Variants in DCUN1D4 observed in about 807,000 individuals in gnomAD.
DCUN1D4 encodes the protein DCN1-like protein 4.
In DCUN1D4, 22 loss-of-function variants were observed where a neutral mutation model predicts 47.9. That is an observed-to-expected ratio of 0.46 (90% CI 0.33 to 0.66). The LOEUF is 0.66. Ranked by LOEUF, DCUN1D4 falls within the 30% of genes least tolerant of loss-of-function variation. The probability of loss-of-function intolerance (pLI) is 0.02; values close to 1 mark genes in which losing one functional copy is unlikely to be tolerated. For synonymous variants in DCUN1D4, 121 were observed against 112.2 expected, an observed-to-expected ratio of 1.08 and a Z score of -0.50; for missense variants, 301 against 340.8, an observed-to-expected ratio of 0.88 and a Z score of 0.92.
At chr4:51,892,349 C>T (rs898389780) in intron 7 of DCUN1D4, among the ~76,000 whole-genome samples, 1 of 152,092 alleles carries the variant, frequency 6.6e-6, no homozygotes, top group Non-Finnish European at 1.5e-5. Flanking sequence ...GATCCATCTC[C>T]ATTTGTATTA....
intron 7 of DCUN1D4, 102 bp from the exon 8 acceptor site, chr4:51,899,168 G>T: frequency 7.1e-7 from 1 of 1,399,018 alleles, no homozygotes; most frequent in Non-Finnish European, 9.3e-7. Context: ...TCAACTTCAG[G>T]GATTTGTTCT....
upstream of DCUN1D4, among the ~76,000 whole-genome samples, chr4:51,840,519 C>G (rs886770028): frequency 2.0e-5 from 3 of 152,172 alleles, no homozygotes; most frequent in African/African-American, 7.2e-5. Context: ...TCAGATTAAA[C>G]ATTTAACTCC....
the DCUN1D4 span, among the ~76,000 whole-genome samples, chr4:51,834,333 A>G: frequency 6.6e-6 from 1 of 151,020 alleles, no homozygotes; most frequent in Non-Finnish European, 1.5e-5. Flanking sequence ...TGGGGTCTAT[A>G]CTTCGTATGT....
chr4:51,875,733 T>A (rs1727570747), intron 4 of DCUN1D4, among the ~76,000 whole-genome samples: 1 of 152,246 alleles, frequency 6.6e-6, no homozygotes, highest in African/African-American at 2.4e-5. Context: ...TGTGTCTCGC[T>A]TCTTTCACTA....
intron 6 of DCUN1D4, among the ~76,000 whole-genome samples, chr4:51,890,798 A>AT (rs1186238855): frequency 6.6e-6 from 1 of 152,160 alleles, no homozygotes; most frequent in African/African-American, 2.4e-5. Flanking sequence ...TTGAAATGTC[A>AT]TTTTGTCTTT....
intron 1 of DCUN1D4, 38 bp downstream of exon 1, chr4:51,843,305 G>C (rs947345468): frequency 9.3e-6 from 14 of 1,506,388 alleles, no homozygotes; most frequent in African/African-American, 2.9e-5. Flanking sequence ...CCGGGGCCGG[G>C]CGGCTGCCAA....
At chr4:51,867,964 C>A (rs1212629138) in intron 3 of DCUN1D4, among the ~76,000 whole-genome samples, 3 of 152,242 alleles carry the variant, frequency 2.0e-5, no homozygotes, top group African/African-American at 7.2e-5. Flanking sequence ...CCCTCGGCTT[C>A]CCCCTCGTGC....
intron 5 of DCUN1D4, among the ~76,000 whole-genome samples, chr4:51,878,789 A>G (rs1009418710): frequency 6.6e-6 from 1 of 152,208 alleles, no homozygotes; most frequent in Non-Finnish European, 1.5e-5. Flanking sequence ...CCTTTTCTGT[A>G]CTTCCACAGG....
At chr4:51,839,186 A>AGAAGGAAG (rs35432661), upstream of DCUN1D4, among the ~76,000 whole-genome samples, 1,947 of 141,620 alleles carry the variant, frequency 0.014, 20 homozygotes, top group African/African-American at 0.026. Context: ...GGAAGAAAGG[A>AGAAGGAAG]GAAGGAAGGA....
At chr4:51,869,145 A>T (rs1430114988) in intron 3 of DCUN1D4, among the ~76,000 whole-genome samples, 2 of 145,412 alleles carry the variant, frequency 1.4e-5, no homozygotes, top group Non-Finnish European at 3.0e-5. Flanking sequence ...AAAAAAAAAA[A>T]GTCAATCAGA....
intron 1 of DCUN1D4, among the ~76,000 whole-genome samples, chr4:51,849,668 G>A (rs187862584): frequency 2.0e-5 from 3 of 152,204 alleles, no homozygotes; most frequent in Admixed American, 1.3e-4. Flanking sequence ...CAGGACTCCC[G>A]AACCACACAC....
intron 3 of DCUN1D4, among the ~76,000 whole-genome samples, chr4:51,863,967 T>TAA: frequency 6.6e-6 from 1 of 152,244 alleles, no homozygotes; most frequent in African/African-American, 2.4e-5. Flanking sequence ...TTGTTTTCTC[T>TAA]ACTGCAGTAT....
chr4:51,853,436 C>T (rs970389509), intron 1 of DCUN1D4, among the ~76,000 whole-genome samples: 1 of 152,162 alleles, frequency 6.6e-6, no homozygotes, highest in Non-Finnish European at 1.5e-5. Flanking sequence ...GGTTTTTACC[C>T]TGCTTTTCAG....
At chr4:51,863,814 A>G in intron 3 of DCUN1D4, 105 bp downstream of exon 3, 1 of 1,216,732 alleles carries the variant, frequency 8.2e-7, no homozygotes, top group South Asian at 1.5e-5. Flanking sequence ...TACTCCATTA[A>G]CAAATTGTTC....
At chr4:51,909,480 A>G (rs949106164) in intron 8 of DCUN1D4, 6 of 158,628 alleles carry the variant, frequency 3.8e-5, no homozygotes, top group Admixed American at 2.5e-4. Context: ...ATTTGCTTGC[A>G]CAGTGTCATC....
intron 7 of DCUN1D4, among the ~76,000 whole-genome samples, chr4:51,895,587 A>G (rs1731139528): frequency 8.2e-6 from 1 of 122,028 alleles, no homozygotes; most frequent in African/African-American, 3.1e-5. Flanking sequence ...AAAAAAAAAA[A>G]ACAGTGACAA....
chr4:51,844,054 G>A (rs1722076101), intron 1 of DCUN1D4, among the ~76,000 whole-genome samples: 1 of 149,422 alleles, frequency 6.7e-6, no homozygotes, highest in Non-Finnish European at 1.5e-5. Flanking sequence ...AGGGCGATTG[G>A]GAGGAAGAGG....
At chr4:51,834,854 G>C in the DCUN1D4 span, among the ~76,000 whole-genome samples, 1 of 152,168 alleles carries the variant, frequency 6.6e-6, no homozygotes, top group African/African-American at 2.4e-5. Context: ...AAGTCGCATT[G>C]CTTGTAACTA....
At chr4:51,844,257 C>G (rs1039545413) in intron 1 of DCUN1D4, 3 of 896,720 alleles carry the variant, frequency 3.3e-6, no homozygotes, top group Non-Finnish European at 4.0e-6. Flanking sequence ...CTTCCTCTCC[C>G]TGTCGAGGCA....
Sources: gnomAD v4.1 joint callset for allele counts (sites outside exome capture counted in the v4.1 genomes callset) on GRCh38, gnomAD v4.1.1 for gene constraint, MANE v1.5 for transcripts, NCBI Gene and HGNC (gene_info 2026-07-23, HGNC 2026-07-21) for gene names.